The following ADGB variants were observed in gnomAD, a reference collection of about 807,000 sequenced individuals.
ADGB encodes androglobin.
In ADGB, 172 loss-of-function variants were observed where a neutral mutation model predicts 210.5. That is an observed-to-expected ratio of 0.82 (90% CI 0.72 to 0.93). ADGB has a LOEUF of 0.93. Among genes scored for constraint, ADGB ranks in the 40% least tolerant of loss-of-function variants. The pLI, the probability that ADGB is intolerant of heterozygous loss-of-function variation, is 0.00. For missense variants in ADGB, 2,025 were observed against 1,964.8 expected (o/e 1.03, Z -0.58); for synonymous variants, 658 against 662.7 (o/e 0.99, Z 0.11).
chr6:146,691,604 T>C (rs562723843), intron 11 of ADGB, among the ~76,000 whole-genome samples: 2 of 130,108 alleles, frequency 1.5e-5, no homozygotes, highest in South Asian at 5.4e-4. Flanking sequence ...GCCTCCCGGG[T>C]TCACACCATT....
intron 17 of ADGB, 50 bp from the exon 18 acceptor site, chr6:146,724,136 C>T: frequency 6.8e-7 from 1 of 1,476,640 alleles, no homozygotes; most frequent in Non-Finnish European, 9.1e-7. Context: ...TAGTGAATGC[C>T]AACTACACTT....
At chr6:146,631,070 C>T (rs1032580078) in intron 1 of ADGB, among the ~76,000 whole-genome samples, 12 of 151,978 alleles carry the variant, frequency 7.9e-5, no homozygotes, top group South Asian at 2.1e-4. Context: ...GCAAGAGAAT[C>T]GAAAGTTGAA....
intron 29 of ADGB, among the ~76,000 whole-genome samples, chr6:146,770,133 T>G (rs752635636): frequency 1.3e-5 from 2 of 152,316 alleles, no homozygotes; most frequent in Non-Finnish European, 1.5e-5. Context: ...ATTAGCTGAA[T>G]GAGTAAATGG....
Position 146,815,272 on chromosome 6 carries a change from G to T in ADGB, c.*55G>T. 7.5e-7 allele frequency: 1 copy of T among 1,328,324 alleles called. No homozygotes were observed. The highest frequency in any genetic ancestry group is 1.9e-5 in the South Asian group (1 of 53,832). 82.3% of individuals were successfully genotyped at this position (1,328,324 alleles called of 1,614,324 possible). A position where few individuals can be genotyped will look rare whatever the true frequency, so the allele number is the denominator to read the frequency against. On this transcript the variant is annotated 3_prime_UTR_variant, in exon 36 of 36. Transcript: ENST00000397944. ...TGGAGAGAAAAAATCTATTTGTAAT[G>T]ATCTTTAACTGCCTGCTGTTAAGAT... is the stretch of plus-strand genomic sequence containing the variant.
In ADGB at chr6:146,799,105, A is replaced by C. The variant is rs1292207114; in HGVS notation, c.4538-2078A>C. Among the ~76,000 whole-genome samples, 4 of 151,546 alleles carry C rather than the reference A, an allele frequency of 2.6e-5. No homozygotes were observed. In the East Asian group the frequency reaches 7.7e-4, roughly 29 times the overall value. On this transcript the variant is annotated intron_variant, in intron 33 of 35. Transcript: ENST00000397944. ...CAGAAAAGCCAAAATAATTTTGAAA[A>C]AGAAGATCCAAGTGGGAGGGGAACT...
At chr6:146,765,148 G>A (rs1033365099) in intron 28 of ADGB, among the ~76,000 whole-genome samples, 3 of 151,916 alleles carry the variant, frequency 2.0e-5, no homozygotes, top group Admixed American at 6.6e-5. Flanking sequence ...ATAAAAGGTA[G>A]AATAAATCAA....
chr6:146,688,064 C>T (rs1776256225), intron 10 of ADGB, among the ~76,000 whole-genome samples: 1 of 152,084 alleles, frequency 6.6e-6, no homozygotes, highest in Admixed American at 6.6e-5. Context: ...CTATGATATA[C>T]TATTATACGC....
intron 26 of ADGB, among the ~76,000 whole-genome samples, chr6:146,747,846 G>A (rs1019451996): frequency 2.0e-5 from 3 of 148,924 alleles, no homozygotes; most frequent in African/African-American, 2.5e-5. Context: ...ACAGCGGCAC[G>A]ATCTTGGCTC....
At chr6:146,683,841 G>T (rs1398422706) in intron 9 of ADGB, among the ~76,000 whole-genome samples, 1 of 152,004 alleles carries the variant, frequency 6.6e-6, no homozygotes, top group Non-Finnish European at 1.5e-5. Context: ...CAAGGACAAA[G>T]TACTTAATGT....
In ADGB at chr6:146,617,420, G is replaced by A. The variant is rs529866146; in HGVS notation, c.75-17955G>A. Among the ~76,000 whole-genome samples the A allele has an allele frequency of 3.9e-5, 6 of 152,148 alleles. No individual in the cohort carries two copies. In the East Asian group the frequency reaches 1.2e-3, roughly 29 times the overall value. Reference sequence around the variant, plus strand: ...TGGCTTCTTTCTTTCCAATTTGGATGCCCTTTCTTTCTTTCTCTTGCCTAA... The same window carrying A: ...TGGCTTCTTTCTTTCCAATTTGGATACCCTTTCTTTCTTTCTCTTGCCTAA... On this transcript the variant is annotated intron_variant, in intron 1 of 35. Transcript: ENST00000397944.
chr6:146,638,008 A>C (rs1267735602), intron 2 of ADGB, among the ~76,000 whole-genome samples: 3 of 152,030 alleles, frequency 2.0e-5, no homozygotes, highest in African/African-American at 7.2e-5. Context: ...TGCCAACCAA[A>C]TCCAGCAGCA....
intron 12 of ADGB, among the ~76,000 whole-genome samples, chr6:146,695,583 G>T (rs1469331445): frequency 6.6e-6 from 1 of 151,502 alleles, no homozygotes; most frequent in African/African-American, 2.4e-5. Flanking sequence ...GGCACATGGG[G>T]CTATGTAAAA....
intron 28 of ADGB, among the ~76,000 whole-genome samples, chr6:146,767,027 C>T (rs1021717498): frequency 1.3e-5 from 2 of 152,100 alleles, no homozygotes; most frequent in Admixed American, 1.3e-4. Context: ...AAAATGTGCT[C>T]TTAGCAAACT....
intron 30 of ADGB, among the ~76,000 whole-genome samples, chr6:146,782,417 T>C (rs1233974985): frequency 6.6e-6 from 1 of 152,222 alleles, no homozygotes; most frequent in Non-Finnish European, 1.5e-5. Context: ...AGAACACTAT[T>C]CATGGCACTT....
chr6:146,606,599 A>T (rs1451330082), intron 1 of ADGB, among the ~76,000 whole-genome samples: 1 of 152,204 alleles, frequency 6.6e-6, no homozygotes, highest in Non-Finnish European at 1.5e-5. Flanking sequence ...GAAGGGGTCC[A>T]GTTTCAATCT....
chr6:146,727,470 A>G (rs1562284813), intron 19 of ADGB, among the ~76,000 whole-genome samples: 1 of 152,166 alleles, frequency 6.6e-6, no homozygotes, highest in South Asian at 2.1e-4. Context: ...TATCTTGCTT[A>G]TTTCAAGTTG....
intron 1 of ADGB, among the ~76,000 whole-genome samples, chr6:146,612,111 G>T (rs1780721200): frequency 6.6e-6 from 1 of 151,950 alleles, no homozygotes; most frequent in African/African-American, 2.4e-5. Flanking sequence ...AGCCCAATCT[G>T]GCCTCTTTTA....
At chr6:146,645,907 AAAGTTTTAGATAACTTT>A (rs992936332) in intron 3 of ADGB, among the ~76,000 whole-genome samples, 17 of 152,186 alleles carry the variant, frequency 1.1e-4, no homozygotes, top group South Asian at 4.1e-4. Context: ...ATAGTAACTT[AAAGTTTTAGATAACTTT>A]AAGTTTTAGA....
At chr6:146,734,164 T>TA in intron 22 of ADGB, 134 bp downstream of exon 22, 2 of 954,640 alleles carry the variant, frequency 2.1e-6, no homozygotes, top group Non-Finnish European at 3.0e-6. Context: ...TGAAATTATT[T>TA]GAAATCAGGA....
Sources: gnomAD v4.1 joint callset for allele counts (sites outside exome capture counted in the v4.1 genomes callset) on GRCh38, gnomAD v4.1.1 for gene constraint, MANE v1.5 for transcripts, NCBI Gene and HGNC (gene_info 2026-07-23, HGNC 2026-07-21) for gene names.